Variants in MKLN1 observed in about 807,000 individuals in gnomAD.
MKLN1 encodes the protein muskelin 1.
In MKLN1, 18 loss-of-function variants were observed where a neutral mutation model predicts 99.0. The ratio of observed to expected loss-of-function variants is 0.18; its 90% CI spans 0.13 to 0.27. MKLN1 has a LOEUF of 0.27. Among genes scored for constraint, MKLN1 ranks in the 10% least tolerant of loss-of-function variants. The pLI is 1.00. For missense variants in MKLN1, 621 were observed against 875.9 expected (o/e 0.71, Z 3.67); for synonymous variants, 288 against 293.2 (o/e 0.98, Z 0.18).
chr7:131,275,567 ATTTTTTTTTT>A (rs869119196), intron 3 of MKLN1, among the ~76,000 whole-genome samples: 16 of 5,618 alleles, frequency 2.8e-3, no homozygotes, highest in African/African-American at 4.0e-3. Context: ...ATATATATAT[ATTTTTTTTTT>A]TTTTTTTTTT....
intron 1 of MKLN1, among the ~76,000 whole-genome samples, chr7:131,373,782 CACT>C (rs1200970215): frequency 6.6e-6 from 1 of 152,172 alleles, no homozygotes; most frequent in Non-Finnish European, 1.5e-5. Context: ...AACATTGGTA[CACT>C]ACTATTAACT....
chr7:131,348,449 G>A (rs1322736567), intron 1 of MKLN1, among the ~76,000 whole-genome samples: 2 of 151,658 alleles, frequency 1.3e-5, no homozygotes, highest in Non-Finnish European at 2.9e-5. Context: ...TTTTATAGAG[G>A]ATATTATCCA....
chr7:131,172,677 T>C (rs1175054442), intron 2 of MKLN1, among the ~76,000 whole-genome samples: 1 of 152,210 alleles, frequency 6.6e-6, no homozygotes, highest in Non-Finnish European at 1.5e-5. Context: ...GAAATTGAAA[T>C]CTACCTTTCT....
intron 4 of MKLN1, among the ~76,000 whole-genome samples, chr7:131,391,472 T>C (rs1158155951): frequency 6.6e-6 from 1 of 152,234 alleles, no homozygotes; most frequent in East Asian, 1.9e-4. Context: ...ATAATTTTCA[T>C]TTATAATGAA....
intron 1 of MKLN1, among the ~76,000 whole-genome samples, chr7:131,134,941 A>G (rs1309199293): frequency 6.6e-6 from 1 of 152,186 alleles, no homozygotes; most frequent in East Asian, 1.9e-4. Context: ...TATAACCACA[A>G]CATACCTTAG....
At chr7:131,161,637 C>T (rs71584852) in intron 2 of MKLN1, among the ~76,000 whole-genome samples, 14,820 of 152,062 alleles carry the variant, frequency 0.097, 868 homozygotes, top group South Asian at 0.18. Context: ...CTGCAAGCTC[C>T]GCCTTCCGGG....
chr7:131,304,853 A>G (rs1035165072), intron 3 of MKLN1, among the ~76,000 whole-genome samples: 1 of 152,182 alleles, frequency 6.6e-6, no homozygotes, highest in African/African-American at 2.4e-5. Context: ...AAAATTCCCA[A>G]TGCAACAGCG....
chr7:131,422,796 T>G (rs1043953231), intron 8 of MKLN1, among the ~76,000 whole-genome samples: 8 of 151,980 alleles, frequency 5.3e-5, no homozygotes, highest in African/African-American at 1.9e-4. Context: ...TTTTAAAAGG[T>G]GTATGATGGC....
chr7:131,309,969 C>T (rs1798537280), intron 3 of MKLN1: 1 of 152,140 alleles, frequency 6.6e-6, no homozygotes, highest in African/African-American at 2.4e-5. Flanking sequence ...TTGTGATCCG[C>T]CCACCTTGGC....
At chr7:131,482,743 A>C (rs1350925602) in intron 17 of MKLN1, among the ~76,000 whole-genome samples, 4 of 152,218 alleles carry the variant, frequency 2.6e-5, no homozygotes, top group Non-Finnish European at 5.9e-5. Flanking sequence ...TTTTTAGAGC[A>C]GTCATTGTCA....
At chr7:131,385,225 A>G (rs1250700424) in intron 2 of MKLN1, among the ~76,000 whole-genome samples, 1 of 152,210 alleles carries the variant, frequency 6.6e-6, no homozygotes, top group African/African-American at 2.4e-5. Context: ...ACTACATTGC[A>G]CAGAAATACT....
At position 131,129,383 on chromosome 7, in the gene MKLN1, A is replaced by T. The variant is rs551685519; in HGVS notation, c.-418-13437A>T. Among the ~76,000 whole-genome samples, 6 of 152,330 alleles carry T rather than the reference A, an allele frequency of 3.9e-5. No individual in the cohort carries two copies. The South Asian group carries it at 1.2e-3, about 32-fold the overall frequency. On this transcript the variant is annotated intron_variant, in intron 1 of 7. Transcript: ENST00000416992. Reference sequence around the variant, plus strand: ...TTTAAGACTTCATCCTAAGAAAATAACTACAGGTACTAAGAAAATTTAATG... The same window carrying T: ...TTTAAGACTTCATCCTAAGAAAATATCTACAGGTACTAAGAAAATTTAATG...
chr7:131,216,138 GC>G (rs1292454047), intron 3 of MKLN1, among the ~76,000 whole-genome samples: 1 of 152,146 alleles, frequency 6.6e-6, no homozygotes, highest in African/African-American at 2.4e-5. Context: ...AGTGGCTCAT[GC>G]CTCTAATCCC....
chr7:131,291,382 C>A (rs1176751339), intron 3 of MKLN1, among the ~76,000 whole-genome samples: 1 of 151,628 alleles, frequency 6.6e-6, no homozygotes, highest in Admixed American at 6.6e-5. Context: ...CCACCCGCCT[C>A]AGCCTCCCAA....
chr7:131,416,980 A>C (rs934532814), intron 8 of MKLN1, among the ~76,000 whole-genome samples: 30 of 110,142 alleles, frequency 2.7e-4, no homozygotes, highest in African/African-American at 2.4e-4. Flanking sequence ...CAACCCTGTC[A>C]AAAAAAAAAA....
At chr7:131,285,893 C>T (rs368068062) in intron 3 of MKLN1, among the ~76,000 whole-genome samples, 4 of 151,836 alleles carry the variant, frequency 2.6e-5, no homozygotes, top group African/African-American at 9.7e-5. Context: ...CATCATATTG[C>T]GTGACAATTA....
chr7:131,115,398 C>G (rs896019112), intron 1 of MKLN1, among the ~76,000 whole-genome samples: 1 of 152,220 alleles, frequency 6.6e-6, no homozygotes, highest in African/African-American at 2.4e-5. Flanking sequence ...TCGGTCTCCA[C>G]TGCTACCACC....
chr7:131,175,579 A>C (rs1584809788), intron 2 of MKLN1, among the ~76,000 whole-genome samples: 1 of 152,250 alleles, frequency 6.6e-6, no homozygotes, highest in East Asian at 1.9e-4. Context: ...CTTTATTTGT[A>C]CATCAACATG....
intron 8 of MKLN1, among the ~76,000 whole-genome samples, chr7:131,419,581 A>T (rs937885000): frequency 6.6e-6 from 1 of 152,126 alleles, no homozygotes; most frequent in East Asian, 1.9e-4. Context: ...CCCTATCTTA[A>T]TTGACATTTT....
Sources: gnomAD v4.1 joint callset for allele counts (sites outside exome capture counted in the v4.1 genomes callset) on GRCh38, gnomAD v4.1.1 for gene constraint, MANE v1.5 for transcripts, NCBI Gene and HGNC (gene_info 2026-07-23, HGNC 2026-07-21) for gene names.